The following CDH23 variants were observed in gnomAD, a reference collection of about 807,000 sequenced individuals.
CDH23 encodes cadherin-23.
In CDH23, 189 loss-of-function variants were observed where a neutral mutation model predicts 317.1. The observed-to-expected ratio is 0.60, with a 90% confidence interval of 0.53 to 0.67. The LOEUF (loss-of-function observed/expected upper bound fraction) is 0.67. Ranked by LOEUF, CDH23 falls within the 30% of genes least tolerant of loss-of-function variation. The pLI is 0.00. For synonymous variants in CDH23, 1,839 were observed against 1,876.8 expected, an observed-to-expected ratio of 0.98 and a Z score of 0.52; for missense variants, 4,401 against 4,592.4, an observed-to-expected ratio of 0.96 and a Z score of 1.20.
intron 38 of CDH23, chr10:71,773,497 G>A (rs1382814072): frequency 2.6e-6 from 4 of 1,516,596 alleles, no homozygotes; most frequent in East Asian, 4.9e-5. Flanking sequence ...GGACGCGGCC[G>A]GCGCGGGGAA....
rs568040811 is a variant in CDH23, at chr10:71,682,439, T to C, written c.1859-6T>C. ...AGAGGGATCTGGCCTGTTCCTGTCA[T>C]TGCAGTGATCAGCGTCAGTCGCCCC... On this transcript the variant is annotated splice_polypyrimidine_tract_variant and splice_region_variant and intron_variant, in intron 17 of 69. Transcript: ENST00000224721. The C allele has an allele frequency of 1.2e-6, 2 of 1,611,484 alleles. No homozygotes were observed. Among genetic ancestry groups the C allele is most frequent in the African/African-American group, 1.3e-5 (1 of 75,030 alleles).
At chr10:71,736,680 T>C (rs901137659) in intron 34 of CDH23, among the ~76,000 whole-genome samples, 2 of 152,140 alleles carry the variant, frequency 1.3e-5, no homozygotes, top group Non-Finnish European at 2.9e-5. Flanking sequence ...CCTTGCAGCC[T>C]CACCAAGATC....
intron 11 of CDH23, among the ~76,000 whole-genome samples, chr10:71,637,649 C>T (rs1384615503): frequency 6.6e-6 from 1 of 152,194 alleles, no homozygotes; most frequent in Admixed American, 6.5e-5. Context: ...GGGCTCTTCC[C>T]TGGCAGACCC....
At chr10:71,566,643 G>T in intron 6 of CDH23, 99 bp from the exon 7 acceptor site, 2 of 1,099,808 alleles carry the variant, frequency 1.8e-6, no homozygotes, top group Non-Finnish European at 2.4e-6. Context: ...GGTCTGGTTG[G>T]CTGAAGGATG....
intron 9 of CDH23, among the ~76,000 whole-genome samples, chr10:71,610,012 C>T (rs1004838010): frequency 7.0e-5 from 10 of 142,550 alleles, no homozygotes; most frequent in East Asian, 2.2e-4. Context: ...GACAGAGAGA[C>T]GAGAGAGAGA....
At chr10:71,420,885 C>A (rs959590860) in intron 1 of CDH23, among the ~76,000 whole-genome samples, 7 of 152,060 alleles carry the variant, frequency 4.6e-5, no homozygotes, top group African/African-American at 1.7e-4. Flanking sequence ...AGGTACCCCC[C>A]GTCGCCTGGC....
chr10:71,610,994 G>T (rs930557960), intron 9 of CDH23, among the ~76,000 whole-genome samples: 1 of 152,176 alleles, frequency 6.6e-6, no homozygotes, highest in Non-Finnish European at 1.5e-5. Flanking sequence ...GTCCACCCAG[G>T]GGAAGCAGCT....
chr10:71,775,075 C>G (rs1840786017), intron 38 of CDH23, among the ~76,000 whole-genome samples: 1 of 152,188 alleles, frequency 6.6e-6, no homozygotes, highest in Non-Finnish European at 1.5e-5. Flanking sequence ...TAACCCAGGT[C>G]CTTGGGCATG....
At chr10:71,608,485 C>T (rs933786118) in intron 9 of CDH23, among the ~76,000 whole-genome samples, 3 of 152,194 alleles carry the variant, frequency 2.0e-5, no homozygotes, top group African/African-American at 7.2e-5. Flanking sequence ...TTTTTCTTCT[C>T]TTCTCTCCCC....
chr10:71,754,653 C>T (rs1311270035), intron 38 of CDH23, among the ~76,000 whole-genome samples: 1 of 152,166 alleles, frequency 6.6e-6, no homozygotes, highest in Non-Finnish European at 1.5e-5. Context: ...CTGTGTGGTT[C>T]CTTAGGCAAG....
At chr10:71,420,550 ATGATGATGG>A (rs1339382435) in intron 1 of CDH23, among the ~76,000 whole-genome samples, 73 of 6,096 alleles carry the variant, frequency 0.012, no homozygotes, top group South Asian at 0.048. Flanking sequence ...TGATGGTGAT[ATGATGATGG>A]TGATGATGAT....
chr10:71,418,687 G>A (rs909594935), intron 1 of CDH23, among the ~76,000 whole-genome samples: 12 of 152,148 alleles, frequency 7.9e-5, no homozygotes, highest in South Asian at 2.1e-4. Flanking sequence ...CTAACCTGAC[G>A]GTTCTCTGGT....
intron 1 of CDH23, among the ~76,000 whole-genome samples, chr10:71,417,768 C>G (rs1035805310): frequency 4.0e-5 from 6 of 151,658 alleles, no homozygotes; most frequent in Non-Finnish European, 2.9e-5. Context: ...CACCATGATG[C>G]CTGGCTAATT....
At chr10:71,521,101 C>T (rs376814113) in intron 6 of CDH23, among the ~76,000 whole-genome samples, 3 of 152,130 alleles carry the variant, frequency 2.0e-5, no homozygotes, top group East Asian at 3.9e-4. Flanking sequence ...TATTAAAAAG[C>T]CCGCTCTTCT....
At position 71,815,110 on chromosome 10, in the gene CDH23, C is replaced by T. The variant is rs774034858; in HGVS notation, c.9897C>T (p.Ser3299=). Residue 3299 remains serine, a synonymous_variant, in exon 70 of 70, where the codon AGC becomes AGT. Transcript: ENST00000224721. ...TGTLLATDLN[S]LPEEDQKGLG... ...CGCTGCTGGCCACCGACCTCAACAG[C>T]CTGCCCGAGGAAGACCAGAAGGGCC... The T allele has an allele frequency of 1.9e-6, 3 of 1,611,222 alleles. No individual in the cohort carries two copies. Among genetic ancestry groups the T allele is most frequent in the Non-Finnish European group, 2.5e-6 (3 of 1,179,106 alleles).
chr10:71,495,258 T>A (rs2132151939), intron 3 of CDH23, among the ~76,000 whole-genome samples: 1 of 152,326 alleles, frequency 6.6e-6, no homozygotes, highest in East Asian at 1.9e-4. Flanking sequence ...GTGATCATTG[T>A]GGGTAATTAC....
At chr10:71,519,049 GT>G (rs1213258318) in intron 6 of CDH23, among the ~76,000 whole-genome samples, 2 of 152,140 alleles carry the variant, frequency 1.3e-5, no homozygotes, top group Non-Finnish European at 2.9e-5. Context: ...TGTTTTAATG[GT>G]AATAATGTTC....
chr10:71,488,301 CT>C (rs1852462151), intron 3 of CDH23, among the ~76,000 whole-genome samples: 1 of 152,208 alleles, frequency 6.6e-6, no homozygotes, highest in African/African-American at 2.4e-5. Context: ...GGCCTGGCAC[CT>C]TCTCCTGAGT....
At chr10:71,477,828 G>A (rs769766938) in intron 3 of CDH23, among the ~76,000 whole-genome samples, 24 of 152,214 alleles carry the variant, frequency 1.6e-4, no homozygotes, top group South Asian at 8.3e-4. Flanking sequence ...CACACTGCCT[G>A]TCCCTTTCTC....
Sources: allele counts gnomAD v4.1 joint callset (sites outside exome capture counted in the v4.1 genomes callset), GRCh38; gene constraint gnomAD v4.1.1; transcripts MANE v1.5; gene names NCBI Gene and HGNC (gene_info 2026-07-23, HGNC 2026-07-21).